UNC79: variants seen among roughly 807,000 people sequenced by gnomAD.
UNC79 encodes protein unc-79 homolog.
Under a neutral mutation model 283.1 loss-of-function variants are expected in UNC79, and 37 were observed. That is an observed-to-expected ratio of 0.13 (90% CI 0.10 to 0.17). The LOEUF (loss-of-function observed/expected upper bound fraction) is 0.17. Among genes scored for constraint, UNC79 ranks in the 10% least tolerant of loss-of-function variants. The probability of loss-of-function intolerance (pLI) is 1.00; values close to 1 mark genes in which losing one functional copy is unlikely to be tolerated. For synonymous variants in UNC79, 1,107 were observed against 1,200.2 expected (o/e 0.92, Z 1.61); for missense variants, 2,272 against 3,211.1 (o/e 0.71, Z 7.07).
At chr14:93,685,585 C>T (rs1240917458) in intron 42 of UNC79, among the ~76,000 whole-genome samples, 2 of 152,152 alleles carry the variant, frequency 1.3e-5, no homozygotes, top group Admixed American at 1.3e-4. Flanking sequence ...TAGTTCAGTA[C>T]CGCGCAGATT....
At chr14:93,493,903 T>TATATATA (rs1566998707) in intron 5 of UNC79, among the ~76,000 whole-genome samples, 64 of 89,578 alleles carry the variant, frequency 7.1e-4, no homozygotes, top group East Asian at 2.8e-3. Context: ...ATATATATAT[T>TATATATA]TTTTTTTTTT....
At chr14:93,409,590 A>T (rs2055294775) in intron 1 of UNC79, among the ~76,000 whole-genome samples, 1 of 152,248 alleles carries the variant, frequency 6.6e-6, no homozygotes, top group South Asian at 2.1e-4. Flanking sequence ...GTTACTTTTG[A>T]GGTAGAAGGA....
At position 93,430,803 on chromosome 14, in the gene UNC79, A is replaced by C; in HGVS notation, c.-227A>C. ...GACAGGAAGCCTTTGGCCGCCTATT[A>C]AATCCCACCCATTTCTCCGGGGGCG... On this transcript the variant is annotated 5_prime_UTR_variant, in exon 1 of 49. Transcript: ENST00000555664. The surrounding 1 kb of genome is among the most constrained non-coding windows in gnomAD (Gnocchi z 4.6). The C allele has an allele frequency of 8.8e-6, 4 of 455,672 alleles. No homozygotes were observed. Among genetic ancestry groups the C allele is most frequent in the Non-Finnish European group, 8.1e-6 (2 of 245,642 alleles). The allele number at this position is 455,672 out of a possible 1,614,324, so 28.2% of individuals were successfully genotyped here.
chr14:93,378,067 G>T (rs896440935), intron 1 of UNC79, among the ~76,000 whole-genome samples: 2 of 152,212 alleles, frequency 1.3e-5, no homozygotes, highest in African/African-American at 2.4e-5. Flanking sequence ...ATGAGTTAGG[G>T]ATAGAAAATA....
At chr14:93,601,031 C>T (rs2065462882) in intron 25 of UNC79, among the ~76,000 whole-genome samples, 1 of 152,170 alleles carries the variant, frequency 6.6e-6, no homozygotes, top group Middle Eastern at 3.2e-3. Context: ...AAATATGATT[C>T]AGTCATTATG....
chr14:93,392,003 T>C (rs1331006737), intron 1 of UNC79, among the ~76,000 whole-genome samples: 1 of 152,116 alleles, frequency 6.6e-6, no homozygotes, highest in Non-Finnish European at 1.5e-5. Context: ...GGCACAACAA[T>C]TTGGAAAACA....
At chr14:93,700,691 GCTAAC>G (rs1165873760) in intron 47 of UNC79, among the ~76,000 whole-genome samples, 1 of 152,066 alleles carries the variant, frequency 6.6e-6, no homozygotes, top group Non-Finnish European at 1.5e-5. Context: ...TCCTTCTGAG[GCTAAC>G]ATTTAAGCTT....
intron 1 of UNC79, among the ~76,000 whole-genome samples, chr14:93,404,493 A>AAAAAAAAATATATATATAT: frequency 1.1e-3 from 65 of 61,484 alleles, no homozygotes; most frequent in Non-Finnish European, 1.2e-3. Context: ...TTCTAAAAAA[A>AAAAAAAAATATATATATAT]ATATATATAT....
exon 15 of UNC79, chr14:93,572,015 C>T (rs374053869): frequency 2.9e-5 from 46 of 1,613,990 alleles, no homozygotes; most frequent in African/African-American, 6.7e-5. Context: ...TGTATTATGC[C>T]GGAATGGCTG....
At chr14:93,530,733 C>A (rs2060777048) in intron 10 of UNC79, among the ~76,000 whole-genome samples, 1 of 152,244 alleles carries the variant, frequency 6.6e-6, no homozygotes, top group Non-Finnish European at 1.5e-5. Flanking sequence ...CATGGTGAAA[C>A]CCCGTCACTA....
At chr14:93,508,187 A>G (rs2059643161) in intron 7 of UNC79, among the ~76,000 whole-genome samples, 2 of 151,446 alleles carry the variant, frequency 1.3e-5, no homozygotes, top group South Asian at 2.1e-4. Flanking sequence ...ATCAGCTTTC[A>G]ATTTTCAATT....
At chr14:93,413,356 T>G (rs1228011751) in intron 1 of UNC79, among the ~76,000 whole-genome samples, 1 of 152,108 alleles carries the variant, frequency 6.6e-6, no homozygotes, top group Non-Finnish European at 1.5e-5. Context: ...GGACATGAAC[T>G]CATCATGTTT....
exon 33 of UNC79, chr14:93,641,162 C>G: frequency 1.2e-6 from 2 of 1,613,450 alleles, no homozygotes; most frequent in Non-Finnish European, 1.7e-6. Context: ...CAAATCCAGC[C>G]TGCTATCAGC....
At position 93,643,750 on chromosome 14, in the gene UNC79, A is replaced by G. The variant is rs1281782868; in HGVS notation, c.6044+53A>G. 6.3e-6 allele frequency: 10 copies of G among 1,584,994 alleles called. No individual in the cohort carries two copies. The East Asian group carries it at 9.0e-5, about 14-fold the overall frequency. On this transcript the variant is annotated intron_variant, in intron 34 of 48. Transcript: ENST00000555664. The stretch of plus-strand genomic sequence containing the variant: ...TAGGAAGGTCCTTTATTCAGTCTCT[A>G]TCTTGAACTAAAAACTACCAGTTCA...
At chr14:93,385,647 T>G (rs1042463920) in intron 1 of UNC79, among the ~76,000 whole-genome samples, 2 of 151,858 alleles carry the variant, frequency 1.3e-5, no homozygotes, top group Non-Finnish European at 2.9e-5. Flanking sequence ...GGCGTGTTGG[T>G]GCACACCTGT....
chr14:93,402,465 C>T (rs2055131025), intron 1 of UNC79, among the ~76,000 whole-genome samples: 1 of 150,940 alleles, frequency 6.6e-6, no homozygotes, highest in Non-Finnish European at 1.5e-5. Flanking sequence ...AACAAAAAAG[C>T]AGATATGAAC....
intron 1 of UNC79, among the ~76,000 whole-genome samples, chr14:93,377,096 CTT>C (rs3059767): frequency 0.62 from 67,260 of 107,748 alleles, 19,788 homozygotes; most frequent in Middle Eastern, 0.7. Flanking sequence ...ATAGTTGTTT[CTT>C]TTTTTTTTTT....
chr14:93,400,696 G>A (rs529262007), intron 1 of UNC79, among the ~76,000 whole-genome samples: 6 of 152,248 alleles, frequency 3.9e-5, no homozygotes, highest in South Asian at 2.1e-4. Flanking sequence ...TCGCTTTAGG[G>A]TGCTTACTCT....
chr14:93,707,608 T>G (rs2075946343), downstream of UNC79: 1 of 152,274 alleles, frequency 6.6e-6, no homozygotes, highest in African/African-American at 2.4e-5. Flanking sequence ...TTGTTAATAC[T>G]TGTATACAAT....
Sources: allele counts gnomAD v4.1 joint callset (sites outside exome capture counted in the v4.1 genomes callset), GRCh38; gene constraint gnomAD v4.1.1; non-coding constraint Gnocchi (gnomAD v3.1); transcripts MANE v1.5; gene names NCBI Gene and HGNC (gene_info 2026-07-23, HGNC 2026-07-21).